CNTNAP2: variants seen among roughly 807,000 people sequenced by gnomAD.
CNTNAP2 encodes contactin-associated protein-like 2.
In CNTNAP2, 98 loss-of-function variants were observed where a neutral mutation model predicts 155.2. That is an observed-to-expected ratio of 0.63 (90% CI 0.54 to 0.75). The LOEUF (loss-of-function observed/expected upper bound fraction) is 0.75. Ranked by LOEUF, CNTNAP2 falls within the 30% of genes least tolerant of loss-of-function variation. The pLI is 0.00. For synonymous variants in CNTNAP2, 651 were observed against 631.2 expected (o/e 1.03, Z -0.47); for missense variants, 1,727 against 1,688.1 (o/e 1.02, Z -0.40).
chr7:146,414,809 G>C (rs1795913920), intron 1 of CNTNAP2, among the ~76,000 whole-genome samples: 1 of 152,158 alleles, frequency 6.6e-6, no homozygotes. Flanking sequence ...GTATCTGGGA[G>C]TGGAATAACA....
intron 1 of CNTNAP2, among the ~76,000 whole-genome samples, chr7:146,276,312 G>A (rs1800162667): frequency 1.3e-5 from 2 of 152,150 alleles, no homozygotes; most frequent in Admixed American, 1.3e-4. Flanking sequence ...CTGATCATTT[G>A]TGTGATTATA....
intron 10 of CNTNAP2, among the ~76,000 whole-genome samples, chr7:147,405,359 C>T (rs1022416528): frequency 5.3e-5 from 8 of 152,234 alleles, no homozygotes; most frequent in South Asian, 2.1e-4. Context: ...TTGTCAATTA[C>T]TTGAATACAT....
At chr7:146,320,293 G>T (rs1310125739) in intron 1 of CNTNAP2, among the ~76,000 whole-genome samples, 5 of 152,016 alleles carry the variant, frequency 3.3e-5, no homozygotes, top group African/African-American at 1.2e-4. Context: ...TCTGTTTTGT[G>T]TGGTGTCCTA....
intron 13 of CNTNAP2, among the ~76,000 whole-genome samples, chr7:147,872,313 A>C (rs1799340519): frequency 6.6e-6 from 1 of 152,254 alleles, no homozygotes; most frequent in Non-Finnish European, 1.5e-5. Flanking sequence ...GCCCACAAGC[A>C]CCAATTTCAG....
chr7:147,498,788 GT>G (rs146690500), intron 11 of CNTNAP2, among the ~76,000 whole-genome samples: 2 of 152,018 alleles, frequency 1.3e-5, no homozygotes, highest in South Asian at 2.1e-4. Context: ...CAAAGTGGTA[GT>G]TTTTTTTCCC....
chr7:146,419,110 G>A (rs1546795), intron 1 of CNTNAP2, among the ~76,000 whole-genome samples: 64,373 of 151,788 alleles, frequency 0.42, 16,603 homozygotes, highest in African/African-American at 0.72. Context: ...AAAGAGGTTC[G>A]GTGGACTCAG....
intron 13 of CNTNAP2, among the ~76,000 whole-genome samples, chr7:147,708,502 TG>T (rs2117012773): frequency 6.6e-6 from 1 of 152,218 alleles, no homozygotes; most frequent in East Asian, 1.9e-4. Flanking sequence ...GCCTAGGGCT[TG>T]GGGGCAGAGG....
chr7:146,338,739 T>C (rs916726035), intron 1 of CNTNAP2, among the ~76,000 whole-genome samples: 1 of 152,206 alleles, frequency 6.6e-6, no homozygotes, highest in African/African-American at 2.4e-5. Context: ...TCTTTTTTTT[T>C]ATTTTTCTTT....
At chr7:146,828,069 AC>A (rs1803440912) in intron 2 of CNTNAP2, among the ~76,000 whole-genome samples, 1 of 152,090 alleles carries the variant, frequency 6.6e-6, no homozygotes, top group Admixed American at 6.6e-5. Context: ...AAGTATAAAA[AC>A]ATCATAAAAA....
At chr7:146,763,687 G>A (rs35106469) in intron 1 of CNTNAP2, among the ~76,000 whole-genome samples, 16,391 of 152,164 alleles carry the variant, frequency 0.11, 1,100 homozygotes, top group African/African-American at 0.18. Context: ...CTAGCAATCA[G>A]TACAGTACCA....
At chr7:146,525,188 C>A (rs922496515) in intron 1 of CNTNAP2, among the ~76,000 whole-genome samples, 1 of 151,962 alleles carries the variant, frequency 6.6e-6, no homozygotes, top group African/African-American at 2.4e-5. Context: ...CCCTGGTAAT[C>A]CTCGGCTATT....
chr7:147,398,625 T>C (rs1796862025), intron 10 of CNTNAP2, among the ~76,000 whole-genome samples: 1 of 137,372 alleles, frequency 7.3e-6, no homozygotes, highest in Admixed American at 8.1e-5. Context: ...TGTGTAGATT[T>C]GCATGTGGCT....
chr7:146,406,446 T>A (rs940028695), intron 1 of CNTNAP2, among the ~76,000 whole-genome samples: 1 of 152,236 alleles, frequency 6.6e-6, no homozygotes, highest in African/African-American at 2.4e-5. Flanking sequence ...AATATATTTC[T>A]TTCTAGGACA....
chr7:146,863,772 T>C (rs370555355), intron 3 of CNTNAP2, among the ~76,000 whole-genome samples: 1 of 152,212 alleles, frequency 6.6e-6, no homozygotes, highest in South Asian at 2.1e-4. Flanking sequence ...AGATTGAAGA[T>C]AAAATACTTG....
At chr7:147,648,688 A>G (rs777773279) in intron 13 of CNTNAP2, among the ~76,000 whole-genome samples, 1 of 152,108 alleles carries the variant, frequency 6.6e-6, no homozygotes, top group Non-Finnish European at 1.5e-5. Context: ...TGAGAGTAGC[A>G]CAGGAAAGAC....
intron 22 of CNTNAP2, among the ~76,000 whole-genome samples, chr7:148,405,771 A>G (rs1026527898): frequency 6.6e-6 from 1 of 151,194 alleles, no homozygotes; most frequent in Non-Finnish European, 1.5e-5. Flanking sequence ...GCACGCCATC[A>G]TGCCCAGCTA....
chr7:146,308,309 A>G (rs1222798151), intron 1 of CNTNAP2, among the ~76,000 whole-genome samples: 1 of 152,230 alleles, frequency 6.6e-6, no homozygotes, highest in East Asian at 1.9e-4. Context: ...AATGGCAATC[A>G]TTAAAAAGTC....
intron 8 of CNTNAP2, among the ~76,000 whole-genome samples, chr7:147,210,750 C>T (rs1219847939): frequency 6.6e-6 from 1 of 151,946 alleles, no homozygotes; most frequent in African/African-American, 2.4e-5. Context: ...CCTCTTCACA[C>T]TGCTCTTGCT....
chr7:146,799,159 T>C (rs1802829559), intron 2 of CNTNAP2, among the ~76,000 whole-genome samples: 1 of 152,214 alleles, frequency 6.6e-6, no homozygotes, highest in Non-Finnish European at 1.5e-5. Context: ...GTATTTGTTT[T>C]AGATCAATTT....
Sources: allele counts gnomAD v4.1 joint callset (sites outside exome capture counted in the v4.1 genomes callset), GRCh38; gene constraint gnomAD v4.1.1; transcripts MANE v1.5; gene names NCBI Gene and HGNC (gene_info 2026-07-23, HGNC 2026-07-21).